Variants in PDE1C observed in about 807,000 individuals in gnomAD.
PDE1C encodes the protein phosphodiesterase 1C.
In PDE1C, 62 loss-of-function variants were observed where a neutral mutation model predicts 93.1. The ratio of observed to expected loss-of-function variants is 0.67; its 90% confidence interval spans 0.54 to 0.82. PDE1C has a LOEUF of 0.82. Among genes scored for constraint, PDE1C ranks in the 40% least tolerant of loss-of-function variants. The pLI is 0.00. For missense variants in PDE1C, 742 were observed against 884.6 expected, an observed-to-expected ratio of 0.84 and a Z score of 2.04; for synonymous variants, 325 against 310.1, an observed-to-expected ratio of 1.05 and a Z score of -0.50.
intron 1 of PDE1C, among the ~76,000 whole-genome samples, chr7:32,229,934 G>A (rs536765146): frequency 6.6e-6 from 1 of 152,362 alleles, no homozygotes; most frequent in South Asian, 2.1e-4. Flanking sequence ...TGTGAGTGGA[G>A]GCAGTGAGTG....
chr7:32,003,954 C>A (rs1420385707), intron 2 of PDE1C, among the ~76,000 whole-genome samples: 1 of 152,134 alleles, frequency 6.6e-6, no homozygotes, highest in Non-Finnish European at 1.5e-5. Flanking sequence ...ACCTTTCTAA[C>A]AAGGTGAAAT....
At chr7:32,061,443 C>G (rs1563267943) in intron 1 of PDE1C, among the ~76,000 whole-genome samples, 1 of 152,232 alleles carries the variant, frequency 6.6e-6, no homozygotes, top group Non-Finnish European at 1.5e-5. Context: ...ATGGAGGCAC[C>G]TCTGGAGCAG....
intron 2 of PDE1C, among the ~76,000 whole-genome samples, chr7:32,194,911 T>TTG: frequency 6.6e-6 from 1 of 152,306 alleles, no homozygotes; most frequent in South Asian, 2.1e-4. Context: ...ACTTTACCTA[T>TTG]TGTGTATCTC....
intron 3 of PDE1C, among the ~76,000 whole-genome samples, chr7:32,092,393 C>A (rs1797520705): frequency 6.6e-6 from 1 of 152,182 alleles, no homozygotes; most frequent in Non-Finnish European, 1.5e-5. Flanking sequence ...CCTGGGGCCT[C>A]AAACAGCTTT....
chr7:31,859,354 C>T (rs1363832438), intron 7 of PDE1C, among the ~76,000 whole-genome samples: 1 of 148,586 alleles, frequency 6.7e-6, no homozygotes, highest in Non-Finnish European at 1.5e-5. Context: ...AGGACATTGG[C>T]CATATATATA....
chr7:32,123,337 G>A (rs1466533820), intron 3 of PDE1C, among the ~76,000 whole-genome samples: 1 of 151,948 alleles, frequency 6.6e-6, no homozygotes, highest in Non-Finnish European at 1.5e-5. Flanking sequence ...ACTAAAAGAA[G>A]AGACTTATTT....
intron 1 of PDE1C, among the ~76,000 whole-genome samples, chr7:32,215,457 A>C (rs6462345): frequency 0.99 from 150,507 of 152,298 alleles, 74,401 homozygotes; most frequent in Middle Eastern, 1. Context: ...AAGCAGCAAT[A>C]TAAAGGACAT....
the PDE1C span, among the ~76,000 whole-genome samples, chr7:31,721,428 T>C: frequency 1.3e-5 from 2 of 152,162 alleles, no homozygotes; most frequent in Non-Finnish European, 2.9e-5. Flanking sequence ...ACCAAGGAAC[T>C]AAAGGTTTAA....
intron 2 of PDE1C, among the ~76,000 whole-genome samples, chr7:31,940,394 CTGAA>C (rs1805657603): frequency 6.6e-6 from 1 of 152,152 alleles, no homozygotes; most frequent in African/African-American, 2.4e-5. Context: ...TGTTTTCTCC[CTGAA>C]TGATTTTCCA....
intron 2 of PDE1C, among the ~76,000 whole-genome samples, chr7:31,996,906 A>C (rs934821941): frequency 6.6e-6 from 1 of 152,204 alleles, no homozygotes; most frequent in African/African-American, 2.4e-5. Flanking sequence ...GATGAGAATT[A>C]CTGCAATTGA....
chr7:31,981,970 T>C (rs1812440386), intron 2 of PDE1C, among the ~76,000 whole-genome samples: 1 of 152,232 alleles, frequency 6.6e-6, no homozygotes, highest in African/African-American at 2.4e-5. Flanking sequence ...CCCAAATATA[T>C]ATTTTTTCAG....
intron 1 of PDE1C, among the ~76,000 whole-genome samples, chr7:32,221,418 A>G (rs1806853725): frequency 6.6e-6 from 1 of 152,142 alleles, no homozygotes; most frequent in Admixed American, 6.5e-5. Context: ...ACAGGCTGGG[A>G]GTTTCCAGGA....
At chr7:31,759,902 C>T (rs952048401) in intron 17 of PDE1C, among the ~76,000 whole-genome samples, 1 of 151,242 alleles carries the variant, frequency 6.6e-6, no homozygotes, top group African/African-American at 2.4e-5. Context: ...TTCTCTCTTT[C>T]TCTCTCTCTC....
intron 2 of PDE1C, among the ~76,000 whole-genome samples, chr7:31,978,821 T>G (rs562638724): frequency 2.1e-4 from 32 of 152,244 alleles, no homozygotes; most frequent in Admixed American, 1.8e-3. Flanking sequence ...CATCTGCGGG[T>G]TTCTGGAGGT....
At chr7:32,379,293 C>T (rs988624899) in intron 1 of PDE1C, among the ~76,000 whole-genome samples, 1 of 152,188 alleles carries the variant, frequency 6.6e-6, no homozygotes, top group Non-Finnish European at 1.5e-5. Context: ...TTATCCCAGC[C>T]AGTTTGCAAG....
At chr7:31,776,266 T>C (rs1008088211) in intron 16 of PDE1C, among the ~76,000 whole-genome samples, 7 of 152,208 alleles carry the variant, frequency 4.6e-5, no homozygotes, top group African/African-American at 1.7e-4. Context: ...CAGGTCTTCA[T>C]CTGCAAAATG....
chr7:31,975,663 A>G (rs1159618221), intron 2 of PDE1C, among the ~76,000 whole-genome samples: 1 of 152,190 alleles, frequency 6.6e-6, no homozygotes, highest in African/African-American at 2.4e-5. Flanking sequence ...CTTACTATAT[A>G]TATGACTATA....
chr7:31,728,716 G>A, the PDE1C span, among the ~76,000 whole-genome samples: 2 of 152,292 alleles, frequency 1.3e-5, no homozygotes, highest in South Asian at 4.1e-4. Context: ...ACTCTGCCTA[G>A]AGTTAAATAT....
At chr7:31,641,019 G>A in the PDE1C span, among the ~76,000 whole-genome samples, 4 of 152,136 alleles carry the variant, frequency 2.6e-5, no homozygotes, top group East Asian at 3.9e-4. Context: ...GGTAGCTGGG[G>A]TTTGGGCTGG....
Sources: gnomAD v4.1 joint callset for allele counts (sites outside exome capture counted in the v4.1 genomes callset) on GRCh38, gnomAD v4.1.1 for gene constraint, MANE v1.5 for transcripts, NCBI Gene and HGNC (gene_info 2026-07-23, HGNC 2026-07-21) for gene names.